STK32B: variants seen among roughly 807,000 people sequenced by gnomAD.
STK32B encodes the protein serine/threonine kinase 32B.
In STK32B, 43 loss-of-function variants were observed where a neutral mutation model predicts 52.6. The observed-to-expected ratio is 0.82, with a 90% CI of 0.64 to 1.05. The LOEUF (loss-of-function observed/expected upper bound fraction) is 1.05. Among genes scored for constraint, STK32B ranks in the 50% least tolerant of loss-of-function variants. The probability of loss-of-function intolerance (pLI) is 0.00; values close to 1 mark genes in which losing one functional copy is unlikely to be tolerated. For missense variants in STK32B, 621 were observed against 534.6 expected, an observed-to-expected ratio of 1.16 and a Z score of -1.59; for synonymous variants, 238 against 204.3, an observed-to-expected ratio of 1.17 and a Z score of -1.41.
At chr4:5,267,188 G>A (rs551904660) in intron 3 of STK32B, among the ~76,000 whole-genome samples, 7 of 152,172 alleles carry the variant, frequency 4.6e-5, no homozygotes, top group Non-Finnish European at 1.0e-4. Context: ...AGGAGGATCT[G>A]AAAGATTCCC....
At chr4:5,063,195 A>G (rs1742283381) in intron 1 of STK32B, among the ~76,000 whole-genome samples, 1 of 152,198 alleles carries the variant, frequency 6.6e-6, no homozygotes, top group African/African-American at 2.4e-5. Flanking sequence ...TGATCATATT[A>G]ATTTACACTC....
intron 7 of STK32B, 37 bp from the exon 8 acceptor site, chr4:5,456,770 T>G (rs759894851): frequency 6.6e-7 from 1 of 1,511,500 alleles, no homozygotes; most frequent in Non-Finnish European, 9.0e-7. Context: ...TTCCAATGGC[T>G]CTCTCTCTGA....
intron 1 of STK32B, among the ~76,000 whole-genome samples, chr4:5,066,551 G>T (rs1742432962): frequency 6.6e-6 from 1 of 152,132 alleles, no homozygotes; most frequent in South Asian, 2.1e-4. Context: ...ACCCTGTATG[G>T]TCTAAAACCT....
At chr4:5,235,557 A>C (rs1005225155) in intron 3 of STK32B, among the ~76,000 whole-genome samples, 3 of 152,234 alleles carry the variant, frequency 2.0e-5, no homozygotes, top group Non-Finnish European at 2.9e-5. Context: ...TTCAGATAAT[A>C]GAAAGTTACA....
intron 6 of STK32B, among the ~76,000 whole-genome samples, chr4:5,422,584 G>T (rs1256231643): frequency 1.3e-5 from 2 of 152,210 alleles, no homozygotes; most frequent in Admixed American, 6.5e-5. Context: ...GCCACGTGGG[G>T]CTTCAGAGTT....
chr4:5,299,853 A>G (rs1470644004), intron 3 of STK32B, among the ~76,000 whole-genome samples: 15 of 152,218 alleles, frequency 9.9e-5, no homozygotes, highest in Admixed American at 9.2e-4. Flanking sequence ...GCCAAATTCT[A>G]CCAGATGTAT....
chr4:5,037,429 G>A, the STK32B span, among the ~76,000 whole-genome samples: 1 of 152,194 alleles, frequency 6.6e-6, no homozygotes, highest in South Asian at 2.1e-4. Context: ...CTGAAAGAAA[G>A]TAACTTGTTC....
chr4:5,151,721 C>G (rs1160139301), intron 2 of STK32B, among the ~76,000 whole-genome samples: 1 of 152,114 alleles, frequency 6.6e-6, no homozygotes, highest in Non-Finnish European at 1.5e-5. Context: ...CAGGCTGATG[C>G]TAATATATGT....
intron 3 of STK32B, among the ~76,000 whole-genome samples, chr4:5,169,447 T>A (rs1719160455): frequency 6.6e-6 from 1 of 152,190 alleles, no homozygotes; most frequent in Non-Finnish European, 1.5e-5. Context: ...GGGGTAAGTC[T>A]AGCTTTGCAC....
At chr4:5,388,198 C>A (rs1035703856) in intron 4 of STK32B, among the ~76,000 whole-genome samples, 1 of 152,162 alleles carries the variant, frequency 6.6e-6, no homozygotes, top group African/African-American at 2.4e-5. Flanking sequence ...TTGTGAACTG[C>A]AAAACTGCAC....
chr4:5,430,085 T>C (rs930514137), intron 6 of STK32B, among the ~76,000 whole-genome samples: 17 of 152,190 alleles, frequency 1.1e-4, no homozygotes, highest in Non-Finnish European at 2.1e-4. Flanking sequence ...TTACTCTGGT[T>C]GGTGTTTTCT....
chr4:5,331,452 A>G, intron 4 of STK32B, 59 bp downstream of exon 4: 1 of 1,548,570 alleles, frequency 6.5e-7, no homozygotes. Context: ...GGGTGTCAGG[A>G]GCAGTCTGCA....
At chr4:5,307,547 T>C (rs1206280528) in intron 3 of STK32B, among the ~76,000 whole-genome samples, 1 of 118,226 alleles carries the variant, frequency 8.5e-6, no homozygotes, top group Non-Finnish European at 1.6e-5. Context: ...ATATGCTCTA[T>C]CTTTTTTTTT....
intron 3 of STK32B, among the ~76,000 whole-genome samples, chr4:5,182,605 G>C (rs1026414159): frequency 6.6e-6 from 1 of 151,982 alleles, no homozygotes; most frequent in Non-Finnish European, 1.5e-5. Context: ...GGGACTACAG[G>C]TGGCCGCCAC....
chr4:5,336,435 A>G (rs1732700443), intron 4 of STK32B, among the ~76,000 whole-genome samples: 1 of 152,150 alleles, frequency 6.6e-6, no homozygotes. Flanking sequence ...GATCCGAGCA[A>G]CGAAATAGAA....
At chr4:5,161,464 T>C (rs374990930) in intron 2 of STK32B, among the ~76,000 whole-genome samples, 82 of 152,254 alleles carry the variant, frequency 5.4e-4, no homozygotes, top group African/African-American at 1.8e-3. Context: ...GGGGCTGCTG[T>C]TGTTCCAGAC....
chr4:5,212,700 TG>T (rs1345555829), intron 3 of STK32B, among the ~76,000 whole-genome samples: 4 of 152,206 alleles, frequency 2.6e-5, no homozygotes, highest in African/African-American at 9.7e-5. Flanking sequence ...AATTGGAAGT[TG>T]CTGTGTTGGT....
At chr4:5,192,472 G>A (rs62290536) in intron 3 of STK32B, among the ~76,000 whole-genome samples, 14,858 of 152,142 alleles carry the variant, frequency 0.098, 880 homozygotes, top group Non-Finnish European at 0.13. Context: ...ACACACACAC[G>A]CTACAGAAAG....
chr4:5,490,717 C>A (rs1483698723), intron 11 of STK32B, among the ~76,000 whole-genome samples: 7 of 152,084 alleles, frequency 4.6e-5, no homozygotes, highest in Admixed American at 1.3e-4. Flanking sequence ...AAAGCTATCC[C>A]TCCCCAACTC....
Sources: allele counts gnomAD v4.1 joint callset (sites outside exome capture counted in the v4.1 genomes callset), GRCh38; gene constraint gnomAD v4.1.1; transcripts MANE v1.5; gene names NCBI Gene and HGNC (gene_info 2026-07-23, HGNC 2026-07-21).